AKT3: variants seen among roughly 807,000 people sequenced by gnomAD.
AKT3 encodes the protein AKT serine/threonine kinase 3.
In AKT3, 15 loss-of-function variants were observed where a neutral mutation model predicts 65.3. The observed-to-expected ratio is 0.23, with a 90% CI of 0.15 to 0.35. AKT3 has a LOEUF of 0.35. Among genes scored for constraint, AKT3 ranks in the 10% least tolerant of loss-of-function variants. The pLI is 1.00. For synonymous variants in AKT3, 206 were observed against 183.8 expected (o/e 1.12, Z -0.98); for missense variants, 243 against 576.5 (o/e 0.42, Z 5.92).
At chr1:243,693,859 A>T (rs992968560) in intron 3 of AKT3, among the ~76,000 whole-genome samples, 2 of 152,200 alleles carry the variant, frequency 1.3e-5, no homozygotes, top group Admixed American at 1.3e-4. Context: ...TAAGGAGCCA[A>T]CCTACAACTT....
intron 2 of AKT3, among the ~76,000 whole-genome samples, chr1:243,755,220 C>T (rs909377133): frequency 6.7e-6 from 1 of 149,812 alleles, no homozygotes; most frequent in African/African-American, 2.5e-5. Context: ...AGGCGGGCGA[C>T]ACCACGCCTG....
intron 6 of AKT3, among the ~76,000 whole-genome samples, chr1:243,618,346 A>G (rs979548449): frequency 2.0e-5 from 3 of 152,138 alleles, no homozygotes; most frequent in Non-Finnish European, 4.4e-5. Flanking sequence ...CTTCCCATTA[A>G]TGCATATTTA....
At chr1:243,808,244 G>A (rs1692882235) in intron 2 of AKT3, 2 of 152,174 alleles carry the variant, frequency 1.3e-5, no homozygotes, top group Admixed American at 6.5e-5. Flanking sequence ...GCTAAAGGAG[G>A]AAGTTGGAAC....
At chr1:243,523,272 C>CAT (rs1007025473) in intron 12 of AKT3, among the ~76,000 whole-genome samples, 3 of 149,254 alleles carry the variant, frequency 2.0e-5, no homozygotes, top group African/African-American at 7.4e-5. Flanking sequence ...CACACACACA[C>CAT]ACACACACAC....
intron 6 of AKT3, among the ~76,000 whole-genome samples, chr1:243,628,358 G>A (rs1474696059): frequency 1.3e-5 from 2 of 151,956 alleles, no homozygotes; most frequent in Non-Finnish European, 2.9e-5. Context: ...GAATACAGTG[G>A]GGGCAATCAC....
chr1:243,725,450 C>A (rs1687155299), intron 2 of AKT3, among the ~76,000 whole-genome samples: 1 of 152,056 alleles, frequency 6.6e-6, no homozygotes, highest in Non-Finnish European at 1.5e-5. Flanking sequence ...AATTATAACA[C>A]CACTCTCCAG....
chr1:243,603,643 T>C (rs1180248484), intron 8 of AKT3, among the ~76,000 whole-genome samples: 1 of 152,160 alleles, frequency 6.6e-6, no homozygotes, highest in African/African-American at 2.4e-5. Flanking sequence ...CCTATTTGTA[T>C]CTCTGATTTA....
intron 2 of AKT3, among the ~76,000 whole-genome samples, chr1:243,804,573 G>A (rs1349198990): frequency 6.6e-6 from 1 of 152,202 alleles, no homozygotes; most frequent in East Asian, 1.9e-4. Flanking sequence ...ATGGCCGGAT[G>A]CGGTGGCTCA....
chr1:243,635,300 T>C (rs1041778080), intron 6 of AKT3, among the ~76,000 whole-genome samples: 1 of 151,670 alleles, frequency 6.6e-6, no homozygotes, highest in African/African-American at 2.4e-5. Context: ...AAGGGAGAAA[T>C]TTAAAGCCAT....
intron 13 of AKT3, among the ~76,000 whole-genome samples, chr1:243,492,811 A>T (rs1459542449): frequency 1.4e-5 from 2 of 143,306 alleles, no homozygotes; most frequent in African/African-American, 5.2e-5. Context: ...TTCTCCACGT[A>T]GGCCAGGCTG....
chr1:243,702,095 C>T (rs1238552669), intron 2 of AKT3, among the ~76,000 whole-genome samples: 5 of 109,694 alleles, frequency 4.6e-5, no homozygotes, highest in Non-Finnish European at 9.4e-5. Context: ...AGGGAGAGAG[C>T]CATAGAATTT....
intron 2 of AKT3, among the ~76,000 whole-genome samples, chr1:243,777,285 G>A (rs1690614701): frequency 6.6e-6 from 1 of 152,134 alleles, no homozygotes. Context: ...GCATCCCTAT[G>A]AGAATCTAAC....
intron 3 of AKT3, among the ~76,000 whole-genome samples, chr1:243,687,241 T>G (rs1360500133): frequency 1.3e-5 from 2 of 152,114 alleles, no homozygotes; most frequent in Non-Finnish European, 2.9e-5. Context: ...CCTTTGATTC[T>G]AAATAAGCCC....
chr1:243,682,382 T>C (rs1045367811), intron 3 of AKT3, among the ~76,000 whole-genome samples: 1 of 152,154 alleles, frequency 6.6e-6, no homozygotes, highest in Non-Finnish European at 1.5e-5. Context: ...CTTTTTAGCT[T>C]AAATTTTAAA....
At chr1:243,664,937 T>G (rs1443718483) in intron 3 of AKT3, 54 bp from the exon 4 acceptor site, 26 of 1,079,596 alleles carry the variant, frequency 2.4e-5, no homozygotes, top group Admixed American at 9.8e-5. Context: ...AAACAAGAAG[T>G]AAATAATTGA....
intron 2 of AKT3, among the ~76,000 whole-genome samples, chr1:243,713,950 T>C (rs1450465028): frequency 1.3e-5 from 2 of 151,930 alleles, no homozygotes; most frequent in Non-Finnish European, 2.9e-5. Context: ...GCCTCTATTA[T>C]GCTAAGGGAA....
chr1:243,762,760 G>A (rs1689566201), intron 2 of AKT3, among the ~76,000 whole-genome samples: 1 of 152,010 alleles, frequency 6.6e-6, no homozygotes, highest in African/African-American at 2.4e-5. Flanking sequence ...CACTGTTCCA[G>A]AAACATTTCT....
intron 2 of AKT3, among the ~76,000 whole-genome samples, chr1:243,737,367 G>C (rs1687903752): frequency 6.6e-6 from 1 of 152,176 alleles, no homozygotes; most frequent in African/African-American, 2.4e-5. Flanking sequence ...AGGCATGGGT[G>C]TAATTGTTAT....
At chr1:243,839,723 C>T (rs1405691605) in intron 2 of AKT3, among the ~76,000 whole-genome samples, 1 of 151,876 alleles carries the variant, frequency 6.6e-6, no homozygotes, top group Non-Finnish European at 1.5e-5. Flanking sequence ...AAGTACAAAT[C>T]AGATTATATC....
Sources: gnomAD v4.1 joint callset for allele counts (sites outside exome capture counted in the v4.1 genomes callset) on GRCh38, gnomAD v4.1.1 for gene constraint, MANE v1.5 for transcripts, NCBI Gene and HGNC (gene_info 2026-07-23, HGNC 2026-07-21) for gene names.